Variants in RNLS observed in about 807,000 individuals in gnomAD.
The protein encoded by RNLS is renalase.
A neutral mutation model predicts 39.8 loss-of-function variants in RNLS; 39 were observed. That is an observed-to-expected ratio of 0.98 (90% confidence interval 0.76 to 1.28). The LOEUF is 1.28. Among genes scored for constraint, RNLS ranks in the 50% most tolerant of loss-of-function variants. The pLI is 0.00. For synonymous variants in RNLS, 147 were observed against 150.7 expected (o/e 0.98, Z 0.18); for missense variants, 410 against 413.3 (o/e 0.99, Z 0.07).
Position 88,573,045 on chromosome 10 carries a change from G to A in RNLS, c.384C>T (p.Phe128=), listed in dbSNP as rs1849949480. 1.9e-6 allele frequency: 3 copies of A among 1,613,796 alleles called. 1 individual carries two copies. The African/African-American group carries it at 4.0e-5, about 22-fold the overall frequency. ...GGTTGATCTGTGTCACACGATGTCT[G>A]AAGTAGACTTCTGCACCTGTTCCAA... ...YLKESGAEVY[F]RHRVTQINLR... Residue 128 remains phenylalanine, a synonymous_variant, in exon 4 of 7, where the codon TTC becomes TTT. Transcript: ENST00000331772.
At chr10:88,481,952 T>C (rs1297492993) in intron 4 of RNLS, among the ~76,000 whole-genome samples, 1 of 152,182 alleles carries the variant, frequency 6.6e-6, no homozygotes, top group African/African-American at 2.4e-5. Flanking sequence ...AGGCTAGTTT[T>C]AATGAATATA....
At chr10:88,209,597 T>C in the RNLS span, among the ~76,000 whole-genome samples, 12 of 152,292 alleles carry the variant, frequency 7.9e-5, no homozygotes, top group African/African-American at 2.9e-4. Flanking sequence ...ATTTTTGTTG[T>C]TGAAACCACC....
At chr10:88,350,641 T>C (rs1158533062) in intron 5 of RNLS, among the ~76,000 whole-genome samples, 1 of 152,218 alleles carries the variant, frequency 6.6e-6, no homozygotes, top group East Asian at 1.9e-4. Context: ...TTGTTGGACA[T>C]TCGGGTTGGT....
chr10:88,526,863 T>G (rs920547276), intron 4 of RNLS, among the ~76,000 whole-genome samples: 4 of 151,566 alleles, frequency 2.6e-5, no homozygotes, highest in African/African-American at 9.7e-5. Context: ...AGGTTAGCAG[T>G]GGGAAACCAG....
chr10:88,209,281 G>A, the RNLS span, among the ~76,000 whole-genome samples: 1 of 152,116 alleles, frequency 6.6e-6, no homozygotes, highest in Admixed American at 6.6e-5. Flanking sequence ...CATTGCAGAT[G>A]TAGTTATTAT....
At chr10:88,499,887 C>T (rs1845377382) in intron 4 of RNLS, among the ~76,000 whole-genome samples, 2 of 152,146 alleles carry the variant, frequency 1.3e-5, no homozygotes, top group Non-Finnish European at 2.9e-5. Flanking sequence ...GGTATACTTG[C>T]AGTCTAAAGA....
intron 4 of RNLS, among the ~76,000 whole-genome samples, chr10:88,377,708 G>C (rs1314213659): frequency 1.3e-5 from 2 of 152,200 alleles, no homozygotes; most frequent in Non-Finnish European, 2.9e-5. Context: ...GTGAGTCAGT[G>C]AGTCAATGGT....
chr10:88,547,120 G>A (rs913037040), intron 4 of RNLS, among the ~76,000 whole-genome samples: 5 of 152,300 alleles, frequency 3.3e-5, no homozygotes, highest in African/African-American at 1.2e-4. Flanking sequence ...GATCCTAAAG[G>A]AGATATCAAC....
intron 4 of RNLS, among the ~76,000 whole-genome samples, chr10:88,397,870 C>G (rs1852656814): frequency 2.6e-5 from 4 of 151,854 alleles, no homozygotes; most frequent in Admixed American, 2.6e-4. Context: ...CAGTGTGGTA[C>G]TGGCCATAAG....
intron 6 of RNLS, among the ~76,000 whole-genome samples, chr10:88,298,642 T>C (rs1844269542): frequency 6.6e-6 from 1 of 152,248 alleles, no homozygotes; most frequent in Admixed American, 6.5e-5. Context: ...CAATTGACTA[T>C]AGGTATAGGT....
intron 4 of RNLS, among the ~76,000 whole-genome samples, chr10:88,518,927 AC>A (rs967634150): frequency 5.9e-5 from 9 of 151,968 alleles, no homozygotes; most frequent in Admixed American, 1.3e-4. Context: ...TTTCCATTTG[AC>A]CCTTGTATAT....
At chr10:88,411,025 C>T (rs1328156838) in intron 4 of RNLS, among the ~76,000 whole-genome samples, 1 of 152,118 alleles carries the variant, frequency 6.6e-6, no homozygotes, top group Non-Finnish European at 1.5e-5. Context: ...CTCAGAGTTC[C>T]TTCTCAAAGG....
chr10:88,380,748 C>T (rs118035564), intron 4 of RNLS, among the ~76,000 whole-genome samples: 7,355 of 152,172 alleles, frequency 0.048, 219 homozygotes, highest in Non-Finnish European at 0.073. Context: ...CCTATACTTT[C>T]TTCTAGCACT....
chr10:88,422,924 T>C (rs148567422), intron 4 of RNLS, among the ~76,000 whole-genome samples: 21 of 152,262 alleles, frequency 1.4e-4, no homozygotes, highest in African/African-American at 3.9e-4. Context: ...CATCTGGTTT[T>C]TAATTTTTTT....
intron 4 of RNLS, among the ~76,000 whole-genome samples, chr10:88,381,055 T>G (rs1851453950): frequency 6.6e-6 from 1 of 152,206 alleles, no homozygotes; most frequent in South Asian, 2.1e-4. Flanking sequence ...TTTTGATATG[T>G]TCTGATATCC....
In RNLS at chr10:88,549,765, T is replaced by C. The variant is rs1157961132; in HGVS notation, c.526+23138A>G. ...AAGAAATCTGCAACATCATTTATCC[T>C]AGTCCTCTGAGTTATAGTTAAGGAG... On this transcript the variant is annotated intron_variant, in intron 4 of 6. Coordinates refer to ENST00000331772, the MANE Select transcript of RNLS (RefSeq NM_001031709.3). 3.9e-5 allele frequency among the ~76,000 whole-genome samples: 6 copies of C among 152,342 alleles called. No individual in the cohort carries two copies. The East Asian group carries it at 9.6e-4, about 24-fold the overall frequency.
chr10:88,346,026 A>C (rs1206486135), intron 5 of RNLS, among the ~76,000 whole-genome samples: 1 of 152,162 alleles, frequency 6.6e-6, no homozygotes, highest in Non-Finnish European at 1.5e-5. Flanking sequence ...AGTTGGGTTA[A>C]TATGAACTCA....
At chr10:88,509,011 G>T (rs1683437436) in intron 4 of RNLS, among the ~76,000 whole-genome samples, 2 of 151,914 alleles carry the variant, frequency 1.3e-5, no homozygotes, top group Admixed American at 6.6e-5. Context: ...CTTTTGGTGG[G>T]GGTGGGGGGG....
intron 3 of RNLS, among the ~76,000 whole-genome samples, chr10:88,576,045 A>G (rs1850183672): frequency 6.6e-6 from 1 of 152,148 alleles, no homozygotes; most frequent in African/African-American, 2.4e-5. Flanking sequence ...CCCACCTTTC[A>G]GGTACCCATG....
Sources: allele counts gnomAD v4.1 joint callset (sites outside exome capture counted in the v4.1 genomes callset), GRCh38; gene constraint gnomAD v4.1.1; transcripts MANE v1.5; gene names NCBI Gene and HGNC (gene_info 2026-07-23, HGNC 2026-07-21).